Variants in GRM3 observed in about 807,000 individuals in gnomAD.
The protein encoded by GRM3 is metabotropic glutamate receptor 3.
GRM3 carries 26 observed loss-of-function variants against 70.5 expected under a neutral mutation model. The observed-to-expected ratio is 0.37, with a 90% CI of 0.27 to 0.51. The LOEUF (loss-of-function observed/expected upper bound fraction) is 0.51, where lower values mean the gene tolerates loss of function less well. Among genes scored for constraint, GRM3 ranks in the 20% least tolerant of loss-of-function variants. GRM3 has a pLI of 0.93. For synonymous variants in GRM3, 443 were observed against 434.9 expected, an observed-to-expected ratio of 1.02 and a Z score of -0.23; for missense variants, 859 against 1,123.8, an observed-to-expected ratio of 0.76 and a Z score of 3.37.
chr7:86,672,064 C>T (rs932871348), intron 1 of GRM3, among the ~76,000 whole-genome samples: 4 of 151,934 alleles, frequency 2.6e-5, no homozygotes, highest in Non-Finnish European at 5.9e-5. Context: ...TATTTTTTTC[C>T]ACTCCTGGAT....
chr7:86,746,242 G>A lies in GRM3; in HGVS notation c.-140-18764G>A, dbSNP rs1484505796. Reference sequence around the variant, plus strand: ...TCTTAAGTGGAGGCAGGGAGGATGGGTAATGGAAAAGTCAGAAAGAATGGC... The same window carrying A: ...TCTTAAGTGGAGGCAGGGAGGATGGATAATGGAAAAGTCAGAAAGAATGGC... On this transcript the variant is annotated intron_variant, in intron 1 of 5. Transcript: ENST00000361669. 4.7e-5 allele frequency among the ~76,000 whole-genome samples: 7 copies of A among 149,614 alleles called. No individual in the cohort carries two copies. The Admixed American group carries it at 4.7e-4, about 10-fold the overall frequency.
At chr7:86,778,216 A>T (rs1022046543) in intron 2 of GRM3, among the ~76,000 whole-genome samples, 5 of 152,226 alleles carry the variant, frequency 3.3e-5, no homozygotes, top group Admixed American at 6.5e-5. Flanking sequence ...TGTAAATAAC[A>T]TTCTTCTTGG....
intron 3 of GRM3, among the ~76,000 whole-genome samples, chr7:86,833,419 A>AAG (rs1472374553): frequency 8.9e-6 from 1 of 112,502 alleles, no homozygotes; most frequent in African/African-American, 4.2e-5. Flanking sequence ...AATAATAAAG[A>AAG]AAAAAAAGAA....
intron 1 of GRM3, among the ~76,000 whole-genome samples, chr7:86,705,100 G>T (rs1795028604): frequency 6.6e-6 from 1 of 151,816 alleles, no homozygotes; most frequent in Admixed American, 6.6e-5. Flanking sequence ...GTATAATATA[G>T]ATTATATTTT....
intron 1 of GRM3, among the ~76,000 whole-genome samples, chr7:86,745,110 G>T (rs1472169070): frequency 6.6e-6 from 1 of 152,068 alleles, no homozygotes; most frequent in Non-Finnish European, 1.5e-5. Flanking sequence ...TCCAGAGCTG[G>T]CATGTGGGTC....
rs965569563 is a variant in GRM3 at position 86,644,371 on chromosome 7, T to G, written c.-642T>G. 2.7e-5 allele frequency: 8 copies of G among 297,868 alleles called. No homozygotes were observed. Among genetic ancestry groups the G allele is most frequent in the African/African-American group, 1.6e-4 (7 of 44,396 alleles). The allele number at this position is 297,868 out of a possible 1,614,324, so 18.5% of individuals were successfully genotyped here. A position where few individuals can be genotyped will look rare whatever the true frequency, so the allele number is the denominator to read the frequency against. On this transcript the variant is annotated 5_prime_UTR_variant, in exon 1 of 6. Coordinates refer to ENST00000361669, the MANE Select transcript of GRM3 (RefSeq NM_000840.3). Reference sequence around the variant, plus strand: ...AAAGGAGAGGATGCCAGGAGGTCCGTGCTTCTGCCAAGAGTCCCAATTAGA... The same window carrying G: ...AAAGGAGAGGATGCCAGGAGGTCCGGGCTTCTGCCAAGAGTCCCAATTAGA...
At chr7:86,805,119 A>G (rs1797762060) in intron 3 of GRM3, among the ~76,000 whole-genome samples, 1 of 152,156 alleles carries the variant, frequency 6.6e-6, no homozygotes, top group African/African-American at 2.4e-5. Context: ...ATCTCCAATA[A>G]AAATAGAAGG....
intron 1 of GRM3, among the ~76,000 whole-genome samples, chr7:86,666,244 C>T (rs1199704168): frequency 2.6e-5 from 4 of 151,948 alleles, no homozygotes; most frequent in Admixed American, 6.6e-5. Flanking sequence ...AGAAAATGAC[C>T]TGATTAGCTT....
chr7:86,863,223 G>A (rs774459192), intron 5 of GRM3, among the ~76,000 whole-genome samples: 2 of 152,088 alleles, frequency 1.3e-5, no homozygotes, highest in African/African-American at 2.4e-5. Flanking sequence ...TAACTTATCT[G>A]TACCTAGATT....
chr7:86,721,913 A>T (rs940250873), intron 1 of GRM3, among the ~76,000 whole-genome samples: 1 of 152,146 alleles, frequency 6.6e-6, no homozygotes, highest in Non-Finnish European at 1.5e-5. Context: ...ACTAGGAAGC[A>T]TGGAAGATAC....
intron 1 of GRM3, among the ~76,000 whole-genome samples, chr7:86,645,342 C>T (rs1793431878): frequency 6.6e-6 from 1 of 152,172 alleles, no homozygotes; most frequent in African/African-American, 2.4e-5. Flanking sequence ...GTCCATGCAG[C>T]CCAGATAAGC....
chr7:86,792,086 T>C (rs946947795), intron 3 of GRM3, among the ~76,000 whole-genome samples: 1 of 152,152 alleles, frequency 6.6e-6, no homozygotes, highest in Admixed American at 6.6e-5. Flanking sequence ...AAAAAGGAAG[T>C]CGAGAGGTCT....
intron 1 of GRM3, among the ~76,000 whole-genome samples, chr7:86,655,447 T>C (rs1256288459): frequency 6.6e-6 from 1 of 152,196 alleles, no homozygotes; most frequent in Non-Finnish European, 1.5e-5. Flanking sequence ...AATTTATTTT[T>C]ATTTCTCACT....
intron 1 of GRM3, among the ~76,000 whole-genome samples, chr7:86,748,866 T>C (rs971193926): frequency 1.6e-4 from 25 of 152,222 alleles, no homozygotes; most frequent in Admixed American, 1.6e-3. Context: ...AGTGTCATTG[T>C]TCTTGACATT....
chr7:86,825,684 A>G (rs908659458), intron 3 of GRM3, among the ~76,000 whole-genome samples: 25 of 152,208 alleles, frequency 1.6e-4, no homozygotes, highest in African/African-American at 5.8e-4. Flanking sequence ...CGGAAAGTTC[A>G]TCCTTGAAGG....
At chr7:86,653,072 G>A (rs757638929) in intron 1 of GRM3, among the ~76,000 whole-genome samples, 12 of 152,180 alleles carry the variant, frequency 7.9e-5, no homozygotes, top group Non-Finnish European at 1.3e-4. Context: ...CAGATGTTGC[G>A]AAGTCCATGA....
intron 1 of GRM3, among the ~76,000 whole-genome samples, chr7:86,756,389 A>G (rs1225617017): frequency 1.3e-5 from 2 of 151,984 alleles, no homozygotes; most frequent in Non-Finnish European, 2.9e-5. Flanking sequence ...CTCCTCTAGC[A>G]TTTCTGATTG....
Position 86,786,371 on chromosome 7 carries a change from C to T in GRM3, c.579C>T (p.Pro193=), listed in dbSNP as rs754970559. 3 of 1,614,174 alleles carry T rather than the reference C, an allele frequency of 1.9e-6. No homozygotes were observed. The highest frequency in any genetic ancestry group is 1.6e-4 in the Middle Eastern group (1 of 6,062). Residue 193 remains proline (P), a synonymous_variant, in exon 3 of 6, where the codon CCC becomes CCT. Coordinates refer to ENST00000361669, the MANE Select transcript of GRM3 (RefSeq NM_000840.3). The surrounding 1 kb of genome is among the most constrained non-coding windows in gnomAD (Gnocchi z 6.0). Reference sequence around the variant, plus strand: ...ATTACTTTGCCAGGACCGTGCCCCCCGACTTCTACCAGGCCAAAGCCATGG... The same window carrying T: ...ATTACTTTGCCAGGACCGTGCCCCCTGACTTCTACCAGGCCAAAGCCATGG... ...RYDYFARTVP[P]DFYQAKAMAE...
At chr7:86,692,355 T>C (rs1794715713) in intron 1 of GRM3, among the ~76,000 whole-genome samples, 1 of 152,232 alleles carries the variant, frequency 6.6e-6, no homozygotes, top group Non-Finnish European at 1.5e-5. Context: ...TTTGACTCTC[T>C]CTTTTTACTA....
Sources: allele counts gnomAD v4.1 joint callset (sites outside exome capture counted in the v4.1 genomes callset), GRCh38; gene constraint gnomAD v4.1.1; non-coding constraint Gnocchi (gnomAD v3.1); transcripts MANE v1.5; gene names NCBI Gene and HGNC (gene_info 2026-07-23, HGNC 2026-07-21).